The following EPHB2 variants were observed in gnomAD, a reference collection of about 807,000 sequenced individuals.
EPHB2 encodes the protein EPH receptor B2.
EPHB2 carries 18 observed loss-of-function variants against 96.4 expected under a neutral mutation model. The ratio of observed to expected loss-of-function variants is 0.19; its 90% CI spans 0.13 to 0.28. The LOEUF (loss-of-function observed/expected upper bound fraction) is 0.28, where lower values mean the gene tolerates loss of function less well. Ranked by LOEUF, EPHB2 falls within the 10% of genes least tolerant of loss-of-function variation. The pLI is 1.00. For missense variants in EPHB2, 989 were observed against 1,355.4 expected (o/e 0.73, Z 4.25); for synonymous variants, 506 against 534.1 (o/e 0.95, Z 0.72).
chr1:22,789,596 A>G (rs1054651061), intron 3 of EPHB2, among the ~76,000 whole-genome samples: 4 of 152,212 alleles, frequency 2.6e-5, no homozygotes, highest in African/African-American at 9.7e-5. Context: ...TTAGCCCTCT[A>G]ACAAATATGC....
At chr1:22,895,033 C>T (rs1639512013) in intron 7 of EPHB2, among the ~76,000 whole-genome samples, 1 of 152,202 alleles carries the variant, frequency 6.6e-6, no homozygotes, top group South Asian at 2.1e-4. Flanking sequence ...AACTGAGGCA[C>T]AAAGAGGTAA....
intron 1 of EPHB2, among the ~76,000 whole-genome samples, chr1:22,749,737 G>A (rs944433410): frequency 1.3e-5 from 2 of 152,192 alleles, no homozygotes; most frequent in African/African-American, 2.4e-5. Flanking sequence ...TCATTCATTC[G>A]TTCATTCATT....
In EPHB2 at chr1:22,919,691, G is replaced by A. The variant is rs1429134936; in HGVS notation, c.*6121G>A. ...CCAAGACCTAACGGCCCCTGTTGAA[G>A]GAGAGGGAGCAGGAGAGGGAGGAGG... On this transcript the variant is annotated 3_prime_UTR_variant, in exon 16 of 16. Coordinates refer to ENST00000374630, the MANE Select transcript of EPHB2 (RefSeq NM_017449.5). The A allele has an allele frequency of 6.6e-6, 1 of 152,520 alleles. No individual in the cohort carries two copies. Among genetic ancestry groups the A allele is most frequent in the Non-Finnish European group, 1.5e-5 (1 of 68,180 alleles). The allele number at this position is 152,520 out of a possible 1,614,324, so 9.4% of individuals were successfully genotyped here.
At chr1:22,770,059 T>C (rs1644357182) in intron 1 of EPHB2, among the ~76,000 whole-genome samples, 1 of 152,034 alleles carries the variant, frequency 6.6e-6, no homozygotes, top group Non-Finnish European at 1.5e-5. Flanking sequence ...CATAAATAGC[T>C]GCTTGGATTG....
intron 3 of EPHB2, among the ~76,000 whole-genome samples, chr1:22,856,996 ACC>A (rs1645709478): frequency 6.6e-6 from 1 of 152,154 alleles, no homozygotes; most frequent in South Asian, 2.1e-4. Flanking sequence ...CTGAACACCT[ACC>A]ATGTGCCAAG....
chr1:22,786,718 A>G lies in EPHB2; in HGVS notation c.811+1642A>G, dbSNP rs369954103. Among the ~76,000 whole-genome samples the G allele has an allele frequency of 7.6e-4, 116 of 152,258 alleles. 1 individual carries two copies. Among genetic ancestry groups the G allele is most frequent in the African/African-American group, 2.6e-3 (107 of 41,544 alleles). ...ATCCACCTGTGCTGGGGAAGAGGAGAGGCGAGATCAAAGGATGTTTTGCCA... is the reference window on the plus strand; with the variant it reads ...ATCCACCTGTGCTGGGGAAGAGGAGGGGCGAGATCAAAGGATGTTTTGCCA... On this transcript the variant is annotated intron_variant, in intron 3 of 15. Transcript: ENST00000374630.
At chr1:22,739,922 G>C (rs1211480084) in intron 1 of EPHB2, among the ~76,000 whole-genome samples, 1 of 152,134 alleles carries the variant, frequency 6.6e-6, no homozygotes, top group Non-Finnish European at 1.5e-5. Flanking sequence ...TTGCGGTTTT[G>C]AACACAGAGA....
At chr1:22,754,258 G>C (rs1644109591) in intron 1 of EPHB2, among the ~76,000 whole-genome samples, 1 of 152,126 alleles carries the variant, frequency 6.6e-6, no homozygotes, top group Admixed American at 6.5e-5. Flanking sequence ...GTTCCCAGCT[G>C]TCAGTCTCAA....
intron 3 of EPHB2, among the ~76,000 whole-genome samples, chr1:22,799,562 G>A (rs1207770107): frequency 1.3e-5 from 2 of 152,240 alleles, no homozygotes; most frequent in Non-Finnish European, 2.9e-5. Flanking sequence ...TGTGTGGTCA[G>A]TAAATGTTTG....
At chr1:22,781,630 C>T in intron 2 of EPHB2, 145 bp downstream of exon 2, 6 of 744,068 alleles carry the variant, frequency 8.1e-6, no homozygotes, top group Non-Finnish European at 9.2e-6. Flanking sequence ...CCCTCCCAAT[C>T]CCCTACCATT....
intron 7 of EPHB2, among the ~76,000 whole-genome samples, chr1:22,895,138 C>T (rs1204490525): frequency 3.9e-5 from 6 of 152,218 alleles, no homozygotes; most frequent in Admixed American, 2.6e-4. Context: ...GAGTCAAACC[C>T]GGAGAGTCTG....
intron 7 of EPHB2, among the ~76,000 whole-genome samples, chr1:22,895,183 G>A (rs563802070): frequency 6.6e-6 from 1 of 152,216 alleles, no homozygotes; most frequent in African/African-American, 2.4e-5. Flanking sequence ...GCCTGTGTGT[G>A]TGTCAGCTGT....
intron 3 of EPHB2, among the ~76,000 whole-genome samples, chr1:22,853,331 C>T (rs3935111): frequency 0.033 from 4,968 of 152,292 alleles, 237 homozygotes; most frequent in African/African-American, 0.11. Flanking sequence ...CCAGCCTGGG[C>T]GACAAACAAT....
chr1:22,775,730 G>A (rs1267328188), intron 1 of EPHB2, among the ~76,000 whole-genome samples: 1 of 152,246 alleles, frequency 6.6e-6, no homozygotes, highest in East Asian at 1.9e-4. Context: ...AGGAAGGAGA[G>A]GGGGTGTGGG....
At chr1:22,800,774 A>G (rs1644831687) in intron 3 of EPHB2, among the ~76,000 whole-genome samples, 1 of 13,480 alleles carries the variant, frequency 7.4e-5, no homozygotes, top group African/African-American at 1.4e-4. Context: ...TGTATGTGAC[A>G]CACACACACA....
chr1:22,842,839 A>C (rs1645489524), intron 3 of EPHB2, among the ~76,000 whole-genome samples: 1 of 148,204 alleles, frequency 6.7e-6, no homozygotes, highest in African/African-American at 2.5e-5. Flanking sequence ...CTCCCCCTCT[A>C]ACTCCCCCTA....
chr1:22,770,049 C>A lies in EPHB2; in HGVS notation c.62-11372C>A, dbSNP rs191136855. On this transcript the variant is annotated intron_variant, in intron 1 of 15. Transcript: ENST00000374630. ...GGAAGGCAAGATGGCAGAATGACTT[C>A]ATAAATAGCTGCTTGGATTGGGTGA... Among the ~76,000 whole-genome samples the A allele has an allele frequency of 7.6e-4, 115 of 152,020 alleles. No homozygotes were observed. The South Asian group carries it at 8.5e-3, about 11-fold the overall frequency.
At chr1:22,850,621 A>G (rs1645612255) in intron 3 of EPHB2, among the ~76,000 whole-genome samples, 1 of 152,224 alleles carries the variant, frequency 6.6e-6, no homozygotes. Context: ...AGTCCCAGGG[A>G]TTACAGGCTG....
rs1329071325 is a variant in EPHB2 at position 22,906,611 on chromosome 1, T to C, written c.1889-99T>C. On this transcript the variant is annotated intron_variant, in intron 10 of 15. Transcript: ENST00000374630. This position sits in a 1 kb window ranked among gnomAD's most constrained non-coding sequence, Gnocchi z 4.8. Reference sequence around the variant, plus strand: ...GATGAGTGGGCCATTGAGAAGAAAATGTACCTGCAGGCCCCGTGAGTGGAC... The same window carrying C: ...GATGAGTGGGCCATTGAGAAGAAAACGTACCTGCAGGCCCCGTGAGTGGAC... 1 of 1,570,114 alleles carries C rather than the reference T, an allele frequency of 6.4e-7. No homozygotes were observed.
Sources: gnomAD v4.1 joint callset for allele counts (sites outside exome capture counted in the v4.1 genomes callset) on GRCh38, gnomAD v4.1.1 for gene constraint, Gnocchi (gnomAD v3.1) non-coding constraint, MANE v1.5 for transcripts, NCBI Gene and HGNC (gene_info 2026-07-23, HGNC 2026-07-21) for gene names.